The following ASTN1 variants were observed in gnomAD, a reference collection of about 807,000 sequenced individuals.
ASTN1 encodes the protein astrotactin-1.
A neutral mutation model predicts 140.7 loss-of-function variants in ASTN1; 41 were observed. The observed-to-expected ratio is 0.29, with a 90% confidence interval of 0.23 to 0.38. The LOEUF (loss-of-function observed/expected upper bound fraction) is 0.38, where lower values mean the gene tolerates loss of function less well. ASTN1 is among the 10% of genes least tolerant of loss of function. The pLI is 1.00. For missense variants in ASTN1, 1,479 were observed against 1,678.8 expected (o/e 0.88, Z 2.08); for synonymous variants, 640 against 652.2 (o/e 0.98, Z 0.29).
chr1:177,109,439 C>CAGAG (rs375242881), intron 1 of ASTN1, among the ~76,000 whole-genome samples: 4 of 149,900 alleles, frequency 2.7e-5, no homozygotes, highest in South Asian at 2.1e-4. Flanking sequence ...CACACACATA[C>CAGAG]AGAGAGAGAG....
rs755884678 is a variant in ASTN1 at position 176,863,223 on chromosome 1, AAC to A, written c.*1059_*1060del. ...CAGAGAAACGATTTGCAAAACTAGC[AAC>A]ACAAGCAAATTTAGCAAGGTGGGGA... On this transcript the variant is annotated 3_prime_UTR_variant, in exon 23 of 23. Transcript: ENST00000361833. The A allele has an allele frequency of 9.9e-5, 98 of 985,812 alleles. No homozygotes were observed. The highest frequency in any genetic ancestry group is 1.2e-4 in the Non-Finnish European group (97 of 829,956). The allele number at this position is 985,812 out of a possible 1,614,324, so 61.1% of individuals were successfully genotyped here.
At chr1:176,889,231 C>T (rs890359625) in intron 17 of ASTN1, among the ~76,000 whole-genome samples, 2 of 152,200 alleles carry the variant, frequency 1.3e-5, no homozygotes, top group Admixed American at 6.5e-5. Context: ...TTCAGTGGGG[C>T]GCTGCTGCCT....
At chr1:176,966,559 T>C (rs1029036230) in intron 8 of ASTN1, among the ~76,000 whole-genome samples, 1 of 152,206 alleles carries the variant, frequency 6.6e-6, no homozygotes, top group African/African-American at 2.4e-5. Context: ...ACAGTTTCAA[T>C]ACACAGTGAA....
intron 1 of ASTN1, among the ~76,000 whole-genome samples, chr1:177,065,279 C>T (rs1383557860): frequency 3.3e-5 from 5 of 152,182 alleles, no homozygotes; most frequent in Non-Finnish European, 1.5e-5. Flanking sequence ...TGTGTCCATT[C>T]TTCTCCTCCA....
rs148805561 is a variant in ASTN1 at position 177,119,121 on chromosome 1, A to G, written c.283+45273T>C. ...TGTGCTCGTGAAACACCCAGCACCT[A>G]AATCCACTCATCTCATGGCATGGTA... On this transcript the variant is annotated intron_variant, in intron 1 of 22. Coordinates refer to ENST00000361833, the MANE Select transcript of ASTN1 (RefSeq NM_004319.3). Among the ~76,000 whole-genome samples the G allele has an allele frequency of 3.8e-3, 579 of 152,200 alleles. 5 individuals carry two copies. Among genetic ancestry groups the G allele is most frequent in the African/African-American group, 0.013 (559 of 41,524 alleles).
chr1:176,892,380 G>A (rs986188887), intron 17 of ASTN1, among the ~76,000 whole-genome samples: 14 of 152,196 alleles, frequency 9.2e-5, no homozygotes, highest in Admixed American at 8.5e-4. Context: ...ATCATAAAAA[G>A]AGAATGAATT....
In ASTN1 at chr1:176,876,628, C is replaced by G; in HGVS notation, c.3372G>C (p.Leu1124=). The change falls in exon 21 of 23, where the codon CTG becomes CTC. Residue 1124 remains leucine (L), a synonymous_variant. Transcript: ENST00000361833. ...LEPDTIYMFT[L]WGVDNTGRRS... ...GCCGTCCTGTGTTGTCCACTCCCCACAGCGTGAACCTGGCAGGGAGTGGGA... is the reference window on the plus strand; with the variant it reads ...GCCGTCCTGTGTTGTCCACTCCCCAGAGCGTGAACCTGGCAGGGAGTGGGA... 1 of 1,614,132 alleles carries G rather than the reference C, an allele frequency of 6.2e-7. No individual in the cohort carries two copies. The highest frequency in any genetic ancestry group is 1.1e-5 in the South Asian group (1 of 91,082).
intron 1 of ASTN1, among the ~76,000 whole-genome samples, chr1:177,082,518 A>G (rs1679230028): frequency 2.0e-5 from 3 of 152,134 alleles, no homozygotes; most frequent in African/African-American, 7.2e-5. Flanking sequence ...TCTTTCTGTC[A>G]TAAGGACACT....
At chr1:177,116,107 T>A (rs1571806721) in intron 1 of ASTN1, among the ~76,000 whole-genome samples, 2 of 152,242 alleles carry the variant, frequency 1.3e-5, no homozygotes, top group East Asian at 3.9e-4. Context: ...CAAGTTCTCA[T>A]CCCATCTGAC....
intron 1 of ASTN1, among the ~76,000 whole-genome samples, chr1:177,082,284 T>A (rs950984605): frequency 1.3e-5 from 2 of 152,076 alleles, no homozygotes; most frequent in South Asian, 4.1e-4. Flanking sequence ...GACAACACTA[T>A]CTGTTAAGGG....
chr1:177,082,921 T>C (rs1286093929), intron 1 of ASTN1, among the ~76,000 whole-genome samples: 1 of 152,214 alleles, frequency 6.6e-6, no homozygotes, highest in East Asian at 1.9e-4. Flanking sequence ...GCACAATATT[T>C]CCTATTTTTC....
intron 16 of ASTN1, among the ~76,000 whole-genome samples, chr1:176,899,610 A>G (rs549582858): frequency 6.6e-6 from 1 of 152,296 alleles, no homozygotes; most frequent in South Asian, 2.1e-4. Context: ...TACAGGAAAG[A>G]AGGCTTGATG....
chr1:177,010,346 G>C (rs1249714831), intron 8 of ASTN1, among the ~76,000 whole-genome samples: 1 of 152,196 alleles, frequency 6.6e-6, no homozygotes, highest in African/African-American at 2.4e-5. Context: ...GTAAGCCACT[G>C]TGCAGGGCTA....
intron 1 of ASTN1, among the ~76,000 whole-genome samples, chr1:177,097,945 C>T (rs1680106895): frequency 6.6e-6 from 1 of 152,122 alleles, no homozygotes; most frequent in Admixed American, 6.5e-5. Flanking sequence ...CATGGAAGCA[C>T]CTCACATCTT....
rs1187927015 is a variant in ASTN1, at chr1:176,949,246, G to T, written c.1993C>A (p.Leu665Ile). 6.2e-7 allele frequency: 1 copy of T among 1,614,122 alleles called. No homozygotes were observed. Among genetic ancestry groups the T allele is most frequent in the Admixed American group, 1.7e-5 (1 of 60,030 alleles). The change falls in exon 12 of 23, where the codon CTC becomes ATC. Residue 665 changes from leucine (L) to isoleucine (I), a missense_variant. Leu to Ile is a conservative substitution (Grantham distance 5). Around this residue, in one of 3 missense-constraint regions of ASTN1, gnomAD observed 4 missense variants for 17.4 expected, o/e 0.23. Coordinates refer to ENST00000361833, the MANE Select transcript of ASTN1 (RefSeq NM_004319.3). ...TCCGGGAAGGGCGCCATCTGCTGGA[G>T]GCACAGCTGCTCACAGCCGCCGTTG... ...GFNGGCEQLC[L>I]QQMAPFPDDP...
chr1:177,087,024 A>G (rs1336731070), intron 1 of ASTN1, among the ~76,000 whole-genome samples: 1 of 152,062 alleles, frequency 6.6e-6, no homozygotes, highest in Non-Finnish European at 1.5e-5. Flanking sequence ...TTTTTTTAGA[A>G]TTTTTTCTAA....
At chr1:176,884,782 G>A (rs1668962902) in intron 18 of ASTN1, among the ~76,000 whole-genome samples, 1 of 152,224 alleles carries the variant, frequency 6.6e-6, no homozygotes, top group Non-Finnish European at 1.5e-5. Flanking sequence ...ATGGGTCAGA[G>A]GATAGGGCTT....
Position 176,863,268 on chromosome 1 carries a change from T to A in ASTN1, c.*1016A>T, listed in dbSNP as rs1485729813. ...GGTGGGGATGAACAGAAGTTTTTTG[T>A]GATCAATAATAGCTTTAGTTCACTG... On this transcript the variant is annotated 3_prime_UTR_variant, in exon 23 of 23. Transcript: ENST00000361833. 1 of 985,750 alleles carries A rather than the reference T, an allele frequency of 1.0e-6. No individual in the cohort carries two copies. The highest frequency in any genetic ancestry group is 6.1e-5 in the Admixed American group (1 of 16,264). 61.1% of individuals were successfully genotyped at this position (985,750 alleles called of 1,614,324 possible).
intron 1 of ASTN1, among the ~76,000 whole-genome samples, chr1:177,148,633 T>C (rs565779320): frequency 6.6e-5 from 10 of 151,978 alleles, no homozygotes; most frequent in Admixed American, 1.3e-4. Context: ...TTTTCTTCTT[T>C]TTTTTTTAAT....
Sources: allele counts gnomAD v4.1 joint callset (sites outside exome capture counted in the v4.1 genomes callset), GRCh38; gene constraint gnomAD v4.1.1; regional missense constraint gnomAD v4.1.1; transcripts MANE v1.5; gene names NCBI Gene and HGNC (gene_info 2026-07-23, HGNC 2026-07-21).